The following SLC4A4 variants were observed in gnomAD, a reference collection of about 807,000 sequenced individuals.
SLC4A4 encodes the protein electrogenic sodium bicarbonate cotransporter 1.
Under a neutral mutation model 111.5 loss-of-function variants are expected in SLC4A4, and 27 were observed. The ratio of observed to expected loss-of-function variants is 0.24; its 90% CI spans 0.18 to 0.33. SLC4A4 has a LOEUF of 0.33. SLC4A4 is among the 10% of genes least tolerant of loss of function. SLC4A4 has a pLI of 1.00. For synonymous variants in SLC4A4, 443 were observed against 463.4 expected (o/e 0.96, Z 0.57); for missense variants, 909 against 1,315.5 (o/e 0.69, Z 4.78).
At chr4:71,509,576 G>T (rs1731724465) in intron 16 of SLC4A4, among the ~76,000 whole-genome samples, 1 of 152,104 alleles carries the variant, frequency 6.6e-6, no homozygotes, top group Non-Finnish European at 1.5e-5. Context: ...TGTGATGGTG[G>T]TAGTGTGGTT....
chr4:71,069,437 G>A (rs867643603), intron 1 of SLC4A4, among the ~76,000 whole-genome samples: 4 of 152,144 alleles, frequency 2.6e-5, no homozygotes, highest in African/African-American at 4.8e-5. Context: ...GTAGAAAGAA[G>A]GAAATTATTT....
chr4:71,311,407 C>T lies in SLC4A4; in HGVS notation c.254-27963C>T, dbSNP rs566544701. Reference sequence around the variant, plus strand: ...AGAATATACATTCTTCTGAGCACCACGTAGCACTTACTCTAAAATCGATCA... The same window carrying T: ...AGAATATACATTCTTCTGAGCACCATGTAGCACTTACTCTAAAATCGATCA... On this transcript the variant is annotated intron_variant, in intron 3 of 25. Coordinates refer to ENST00000264485, the MANE Select transcript of SLC4A4 (RefSeq NM_001098484.3). 1.2e-4 allele frequency among the ~76,000 whole-genome samples: 18 copies of T among 152,250 alleles called. No individual in the cohort carries two copies. The South Asian group carries it at 2.1e-3, about 18-fold the overall frequency.
chr4:71,170,000 T>C (rs935097185), intron 2 of SLC4A4, among the ~76,000 whole-genome samples: 3 of 152,198 alleles, frequency 2.0e-5, no homozygotes, highest in African/African-American at 7.2e-5. Context: ...TCTCCCTTTG[T>C]TCCTCAACCC....
At chr4:71,325,492 GC>G (rs1268659814) in intron 3 of SLC4A4, among the ~76,000 whole-genome samples, 6 of 152,054 alleles carry the variant, frequency 3.9e-5, no homozygotes, top group African/African-American at 1.4e-4. Context: ...ACCTACATCT[GC>G]CTTGCTTCTG....
rs1361081324 is a variant in SLC4A4 at position 71,144,446 on chromosome 4, T to A, written c.-2+51654T>A. Among the ~76,000 whole-genome samples, 4 of 152,208 alleles carry A rather than the reference T, an allele frequency of 2.6e-5. No homozygotes were observed. The South Asian group carries it at 8.3e-4, about 32-fold the overall frequency. ...GCAATGCGGGCTCTTTTTTGGTTCC[T>A]TATGAACTTTAAAGTAGTTTTTTCC... On this transcript the variant is annotated intron_variant, in intron 2 of 26. Coordinates refer to the SLC4A4 transcript ENST00000649996.
intron 2 of SLC4A4, among the ~76,000 whole-genome samples, chr4:71,174,502 C>G (rs1214806172): frequency 6.6e-6 from 1 of 152,114 alleles, no homozygotes; most frequent in Admixed American, 6.5e-5. Context: ...CCCACTTCAG[C>G]CTCCCAAAGT....
chr4:71,255,757 G>T (rs1721406053), intron 3 of SLC4A4, among the ~76,000 whole-genome samples: 1 of 152,162 alleles, frequency 6.6e-6, no homozygotes, highest in African/African-American at 2.4e-5. Flanking sequence ...CTTAGAAATA[G>T]GTTCTGTTGA....
intron 24 of SLC4A4, among the ~76,000 whole-genome samples, chr4:71,566,192 T>A (rs1013364348): frequency 3.3e-5 from 5 of 151,848 alleles, no homozygotes; most frequent in African/African-American, 1.2e-4. Flanking sequence ...GGCTAATTTC[T>A]GCTAACCCCT....
chr4:71,310,078 A>G (rs556706565), intron 3 of SLC4A4, among the ~76,000 whole-genome samples: 1 of 151,838 alleles, frequency 6.6e-6, no homozygotes, highest in Non-Finnish European at 1.5e-5. Context: ...AGAAGAAAGG[A>G]TATCAGAGAT....
intron 2 of SLC4A4, among the ~76,000 whole-genome samples, chr4:71,093,109 A>G (rs1187248099): frequency 6.6e-6 from 1 of 151,904 alleles, no homozygotes; most frequent in Admixed American, 6.6e-5. Context: ...ATAAAAATAA[A>G]ATAAAGTCAT....
chr4:71,455,953 T>C (rs1396191138), intron 12 of SLC4A4, among the ~76,000 whole-genome samples: 1 of 152,164 alleles, frequency 6.6e-6, no homozygotes, highest in Non-Finnish European at 1.5e-5. Context: ...ATGTGATATA[T>C]GACCTGGGAA....
intron 1 of SLC4A4, among the ~76,000 whole-genome samples, chr4:71,198,335 T>C (rs544406435): frequency 1.3e-5 from 2 of 152,338 alleles, no homozygotes; most frequent in East Asian, 1.9e-4. Context: ...CACTTGAACA[T>C]GCATTTGAGT....
intron 3 of SLC4A4, among the ~76,000 whole-genome samples, chr4:71,308,201 A>G (rs1666923336): frequency 6.6e-6 from 1 of 152,016 alleles, no homozygotes; most frequent in Non-Finnish European, 1.5e-5. Flanking sequence ...AAAAAAAATC[A>G]TATACCACAT....
upstream of SLC4A4, among the ~76,000 whole-genome samples, chr4:71,182,476 G>A (rs1304849187): frequency 2.0e-5 from 3 of 152,132 alleles, no homozygotes; most frequent in Non-Finnish European, 2.9e-5. Context: ...GGATGTGAAC[G>A]GTAATAGGCC....
At chr4:71,555,054 G>T in intron 20 of SLC4A4, 86 bp from the exon 21 acceptor site, 3 of 973,250 alleles carry the variant, frequency 3.1e-6, no homozygotes, top group Non-Finnish European at 5.0e-6. Context: ...TTTAGTTTTA[G>T]ATTTAGCCTT....
intron 15 of SLC4A4, among the ~76,000 whole-genome samples, chr4:71,492,331 T>G (rs973845320): frequency 2.0e-5 from 3 of 151,918 alleles, no homozygotes; most frequent in African/African-American, 7.2e-5. Context: ...TGTGGTCTTT[T>G]AAATTTTAAA....
intron 2 of SLC4A4, among the ~76,000 whole-genome samples, chr4:71,094,865 C>T (rs1742496929): frequency 6.6e-6 from 1 of 152,076 alleles, no homozygotes; most frequent in Admixed American, 6.6e-5. Context: ...CTATATTTTC[C>T]AGGGGGAGTC....
At chr4:71,477,320 A>G (rs1728460703) in intron 14 of SLC4A4, among the ~76,000 whole-genome samples, 1 of 151,732 alleles carries the variant, frequency 6.6e-6, no homozygotes, top group Non-Finnish European at 1.5e-5. Flanking sequence ...ATTTCTCACT[A>G]TCCTACAAAA....
intron 6 of SLC4A4, among the ~76,000 whole-genome samples, chr4:71,358,681 T>C (rs1051906100): frequency 6.6e-6 from 1 of 152,176 alleles, no homozygotes; most frequent in Admixed American, 6.5e-5. Context: ...TGATGGGAAA[T>C]ATTTTGGTTT....
Sources: gnomAD v4.1 joint callset for allele counts (sites outside exome capture counted in the v4.1 genomes callset) on GRCh38, gnomAD v4.1.1 for gene constraint, MANE v1.5 for transcripts, NCBI Gene and HGNC (gene_info 2026-07-23, HGNC 2026-07-21) for gene names.